NSD2: variants seen among roughly 807,000 people sequenced by gnomAD.
The protein encoded by NSD2 is nuclear receptor binding SET domain protein 2.
Under a neutral mutation model 139.0 loss-of-function variants are expected in NSD2, and 12 were observed. The ratio of observed to expected loss-of-function variants is 0.09; its 90% CI spans 0.06 to 0.14. The LOEUF (loss-of-function observed/expected upper bound fraction) is 0.14, where lower values mean the gene tolerates loss of function less well. NSD2 is among the 10% of genes least tolerant of loss of function. The pLI is 1.00. For synonymous variants in NSD2, 669 were observed against 648.7 expected (o/e 1.03, Z -0.48); for missense variants, 1,155 against 1,745.0 (o/e 0.66, Z 6.02).
rs574063775 is a variant in NSD2, at chr4:1,929,759, C to T, written c.1411-867C>T. 1.1e-4 allele frequency among the ~76,000 whole-genome samples: 17 copies of T among 152,288 alleles called. No individual in the cohort carries two copies. In the South Asian group the frequency reaches 2.7e-3, roughly 24 times the overall value. On this transcript the variant is annotated intron_variant, in intron 5 of 21. Transcript: ENST00000508803. Reference sequence around the variant, plus strand: ...GCTGGCTGGCATTAGTGTGTCAGCCCTGTGCCCTGCTCTCGAGATCCGTGG... The same window carrying T: ...GCTGGCTGGCATTAGTGTGTCAGCCTTGTGCCCTGCTCTCGAGATCCGTGG...
intron 5 of NSD2, among the ~76,000 whole-genome samples, chr4:1,925,262 TAG>T (rs1365556210): frequency 6.6e-6 from 1 of 152,152 alleles, no homozygotes; most frequent in African/African-American, 2.4e-5. Flanking sequence ...CCTTGAGGGA[TAG>T]AGTCAGGTGG....
chr4:1,944,447 A>G (rs1231146773), intron 9 of NSD2: 1 of 1,065,130 alleles, frequency 9.4e-7, no homozygotes, highest in Non-Finnish European at 1.1e-6. Flanking sequence ...TGTTGAGGTG[A>G]ATTTTGTTTG....
At chr4:1,947,670 G>A (rs1251800395) in intron 9 of NSD2, 2 of 1,054,944 alleles carry the variant, frequency 1.9e-6, no homozygotes, top group East Asian at 1.1e-4. Context: ...GCACAGGGCT[G>A]TTGTCATTTG....
chr4:1,953,799 T>C (rs1442545645), intron 12 of NSD2, among the ~76,000 whole-genome samples: 2 of 152,022 alleles, frequency 1.3e-5, no homozygotes, highest in African/African-American at 4.8e-5. Flanking sequence ...CTGGCTTTTT[T>C]TTTTTTCTTT....
intron 6 of NSD2, among the ~76,000 whole-genome samples, chr4:1,931,622 G>A (rs897528832): frequency 6.6e-6 from 1 of 152,100 alleles, no homozygotes. Context: ...GGAAGTCGGG[G>A]CCCAGAAGCG....
intron 9 of NSD2, chr4:1,943,724 C>G (rs994088792): frequency 9.5e-7 from 1 of 1,054,140 alleles, no homozygotes; most frequent in African/African-American, 1.7e-5. Flanking sequence ...AATTAAAATT[C>G]TCAAAAAAAA....
rs1418756782 is a variant in NSD2, at chr4:1,898,665, A to AAAAAAAC, written c.-29-1945_-29-1939dup. 3.9e-3 allele frequency among the ~76,000 whole-genome samples: 588 copies of AAAAAAAC among 149,666 alleles called. 4 individuals carry two copies. The highest frequency in any genetic ancestry group is 6.7e-3 in the Non-Finnish European group (451 of 67,514). Reference sequence around the variant, plus strand: ...ACAGAGCGAGACTCCGTCTAAAAAAAAAAAAACAAAAAACAAAAAACACAC... The same window carrying AAAAAAAC: ...ACAGAGCGAGACTCCGTCTAAAAAAAAAAAAACAAAAAACAAAAAACAAAAAACACAC... On this transcript the variant is annotated intron_variant, in intron 1 of 21. Coordinates refer to ENST00000508803, the MANE Select transcript of NSD2 (RefSeq NM_001042424.3).
chr4:1,951,845 A>G (rs553228973), intron 10 of NSD2, among the ~76,000 whole-genome samples: 2 of 152,308 alleles, frequency 1.3e-5, no homozygotes, highest in Non-Finnish European at 1.5e-5. Context: ...TCTTGGATGT[A>G]TCCTTCAGGG....
At chr4:1,871,700 G>T (rs1713775470) in intron 1 of NSD2, among the ~76,000 whole-genome samples, 158 bp downstream of exon 1, 1 of 149,210 alleles carries the variant, frequency 6.7e-6, no homozygotes, top group Admixed American at 6.6e-5. Flanking sequence ...GAGGCCTGAG[G>T]GGCCGGCTCA....
At position 1,922,581 on chromosome 4, in the gene NSD2, A is replaced by T. The variant is rs529421245; in HGVS notation, c.1410+3958A>T. Among the ~76,000 whole-genome samples, 8 of 152,306 alleles carry T rather than the reference A, an allele frequency of 5.3e-5. No individual in the cohort carries two copies. In the East Asian group the frequency reaches 9.6e-4, roughly 18 times the overall value. On this transcript the variant is annotated intron_variant, in intron 5 of 21. Transcript: ENST00000508803. ...TGCTGCTGTGGCCACATTTGAAGAG[A>T]GGCTTGGCCTGAGGATTTGCTCTAC...
chr4:1,910,036 G>A (rs981241826), intron 3 of NSD2, among the ~76,000 whole-genome samples: 1 of 151,996 alleles, frequency 6.6e-6, no homozygotes, highest in Admixed American at 6.6e-5. Context: ...TGAAAACTGA[G>A]GTATAATATA....
At chr4:1,951,732 C>T (rs1256143873) in intron 10 of NSD2, among the ~76,000 whole-genome samples, 1 of 151,872 alleles carries the variant, frequency 6.6e-6, no homozygotes, top group Non-Finnish European at 1.5e-5. Flanking sequence ...GCCAGGCAGT[C>T]GATGCATGGG....
intron 9 of NSD2, among the ~76,000 whole-genome samples, chr4:1,950,584 C>T (rs957769850): frequency 2.6e-5 from 4 of 152,230 alleles, no homozygotes; most frequent in Non-Finnish European, 5.9e-5. Context: ...ATGGTCTCCA[C>T]CCCGGCGGCA....
intron 7 of NSD2, among the ~76,000 whole-genome samples, chr4:1,936,525 G>A (rs1321166678): frequency 1.3e-5 from 2 of 152,038 alleles, no homozygotes; most frequent in Non-Finnish European, 2.9e-5. Flanking sequence ...ACAAAAATTA[G>A]TCGGGTGTGG....
chr4:1,916,280 T>C (rs889964956), intron 3 of NSD2, among the ~76,000 whole-genome samples: 3 of 152,216 alleles, frequency 2.0e-5, no homozygotes, highest in African/African-American at 7.2e-5. Flanking sequence ...ATTTGGTATC[T>C]TTTTAAGAGG....
At chr4:1,913,851 A>G (rs1440787266) in intron 3 of NSD2, among the ~76,000 whole-genome samples, 3 of 151,538 alleles carry the variant, frequency 2.0e-5, no homozygotes, top group Non-Finnish European at 4.4e-5. Context: ...TATTTCTACC[A>G]TCTCTCGTCT....
chr4:1,965,749 AG>A (rs1487398622), intron 18 of NSD2, among the ~76,000 whole-genome samples: 2 of 152,222 alleles, frequency 1.3e-5, no homozygotes, highest in Non-Finnish European at 2.9e-5. Context: ...GTGAAGGTGA[AG>A]GGTACCTTTG....
intron 9 of NSD2, chr4:1,941,676 A>C (rs1166449719): frequency 2.9e-6 from 3 of 1,045,662 alleles, no homozygotes; most frequent in African/African-American, 3.3e-5. Flanking sequence ...CATAGTGTGC[A>C]TCATGTTCCT....
chr4:1,962,759 C>T (rs1365633155), intron 18 of NSD2, among the ~76,000 whole-genome samples: 1 of 152,180 alleles, frequency 6.6e-6, no homozygotes, highest in Non-Finnish European at 1.5e-5. Context: ...CAGCCTCGAT[C>T]TCCTGGGCCT....
Sources: allele counts gnomAD v4.1 joint callset (sites outside exome capture counted in the v4.1 genomes callset), GRCh38; gene constraint gnomAD v4.1.1; transcripts MANE v1.5; gene names NCBI Gene and HGNC (gene_info 2026-07-23, HGNC 2026-07-21).